The following PHACTR3 variants were observed in gnomAD, a reference collection of about 807,000 sequenced individuals.
PHACTR3 encodes the protein protein phosphatase 1, regulatory subunit 123.
PHACTR3 carries 16 observed loss-of-function variants against 66.8 expected under a neutral mutation model. The ratio of observed to expected loss-of-function variants is 0.24; its 90% CI spans 0.16 to 0.36. The LOEUF (loss-of-function observed/expected upper bound fraction) is 0.36, where lower values mean the gene tolerates loss of function less well. PHACTR3 is among the 10% of genes least tolerant of loss of function. The probability of loss-of-function intolerance (pLI) is 1.00; values close to 1 mark genes in which losing one functional copy is unlikely to be tolerated. For synonymous variants in PHACTR3, 323 were observed against 292.1 expected (o/e 1.11, Z -1.08); for missense variants, 647 against 719.9 (o/e 0.90, Z 1.16).
intron 7 of PHACTR3, among the ~76,000 whole-genome samples, chr20:59,789,933 G>T (rs1047368932): frequency 3.9e-5 from 6 of 152,234 alleles, no homozygotes; most frequent in African/African-American, 1.4e-4. Context: ...GCTGGGAAAT[G>T]GCTGCATTAG....
chr20:59,808,095 T>G (rs1001291815), intron 8 of PHACTR3, among the ~76,000 whole-genome samples: 3 of 152,142 alleles, frequency 2.0e-5, no homozygotes, highest in Non-Finnish European at 4.4e-5. Context: ...TGAGACAGAA[T>G]GGGGGCCTTC....
At chr20:59,740,106 A>G (rs1392421275) in intron 1 of PHACTR3, among the ~76,000 whole-genome samples, 1 of 152,184 alleles carries the variant, frequency 6.6e-6, no homozygotes. Context: ...CGTTTACTCC[A>G]TCATCATTAT....
chr20:59,602,055 G>T (rs1307250451), upstream of PHACTR3, among the ~76,000 whole-genome samples: 2 of 152,184 alleles, frequency 1.3e-5, no homozygotes, highest in Admixed American at 6.5e-5. Context: ...TAGATAGAAA[G>T]TTCCTTCCAT....
intron 1 of PHACTR3, among the ~76,000 whole-genome samples, chr20:59,740,853 G>T (rs148356977): frequency 1.3e-5 from 2 of 152,220 alleles, no homozygotes; most frequent in Admixed American, 6.5e-5. Context: ...TTGGGCCCTC[G>T]GGTGCTGCCT....
At chr20:59,624,090 G>A (rs1329195469) in intron 1 of PHACTR3, among the ~76,000 whole-genome samples, 1 of 152,166 alleles carries the variant, frequency 6.6e-6, no homozygotes, top group African/African-American at 2.4e-5. Context: ...ACATAAGAGT[G>A]GGAAATGGCT....
At chr20:59,697,052 A>T (rs964908324) in intron 1 of PHACTR3, among the ~76,000 whole-genome samples, 1 of 152,158 alleles carries the variant, frequency 6.6e-6, no homozygotes, top group Admixed American at 6.5e-5. Context: ...AGAATGAAAT[A>T]ATGATGTGAT....
intron 7 of PHACTR3, among the ~76,000 whole-genome samples, chr20:59,793,582 T>G (rs906253953): frequency 5.5e-4 from 84 of 152,376 alleles, no homozygotes; most frequent in African/African-American, 2.0e-3. Context: ...TCAGATAGTT[T>G]GCTATTGCTG....
intron 1 of PHACTR3, among the ~76,000 whole-genome samples, chr20:59,612,630 C>G (rs1446714240): frequency 6.6e-6 from 1 of 152,188 alleles, no homozygotes; most frequent in Non-Finnish European, 1.5e-5. Flanking sequence ...GTGATCCGCC[C>G]ACTTTGGCCT....
chr20:59,600,811 G>T (rs139076678), upstream of PHACTR3, among the ~76,000 whole-genome samples: 2 of 152,180 alleles, frequency 1.3e-5, no homozygotes, highest in Non-Finnish European at 2.9e-5. Context: ...CAGAAGGGGG[G>T]TCCTTCGATG....
chr20:59,723,239 A>G (rs550837445), intron 1 of PHACTR3, among the ~76,000 whole-genome samples: 1 of 152,030 alleles, frequency 6.6e-6, no homozygotes, highest in African/African-American at 2.4e-5. Context: ...ATTTTAAAAC[A>G]CTTTCATCAT....
chr20:59,793,114 C>T (rs2041153071), intron 7 of PHACTR3, among the ~76,000 whole-genome samples: 1 of 152,018 alleles, frequency 6.6e-6, no homozygotes, highest in African/African-American at 2.4e-5. Flanking sequence ...CTCTTGAACT[C>T]TTGAGCTCAA....
intron 1 of PHACTR3, among the ~76,000 whole-genome samples, chr20:59,599,169 T>C (rs912194930): frequency 1.3e-5 from 2 of 152,234 alleles, no homozygotes; most frequent in African/African-American, 2.4e-5. Context: ...AGGCTGAGCC[T>C]TCACTCCTGG....
At chr20:59,652,179 T>TA (rs1265095427) in intron 1 of PHACTR3, among the ~76,000 whole-genome samples, 1 of 152,220 alleles carries the variant, frequency 6.6e-6, no homozygotes, top group Non-Finnish European at 1.5e-5. Context: ...TTCAGGCCTC[T>TA]ATCAGGTCGG....
chr20:59,833,544 A>G (rs2042445815), intron 8 of PHACTR3, among the ~76,000 whole-genome samples: 1 of 152,168 alleles, frequency 6.6e-6, no homozygotes, highest in African/African-American at 2.4e-5. Flanking sequence ...ACAAGGTTCC[A>G]ACAAAGGGCG....
At chr20:59,635,165 CTTTCCTTTCTTT>C (rs1185311034) in intron 1 of PHACTR3, among the ~76,000 whole-genome samples, 3 of 40,004 alleles carry the variant, frequency 7.5e-5, no homozygotes, top group African/African-American at 2.1e-4. Context: ...TTCTTTCTTT[CTTTCCTTTCTTT>C]CTTTCTTTCT....
intron 1 of PHACTR3, among the ~76,000 whole-genome samples, chr20:59,741,325 C>G (rs1328120276): frequency 2.0e-5 from 3 of 152,240 alleles, no homozygotes; most frequent in Non-Finnish European, 4.4e-5. Flanking sequence ...GGCGAGGGGT[C>G]CTGGCAGAGG....
chr20:59,816,845 G>A (rs8116975), intron 8 of PHACTR3, among the ~76,000 whole-genome samples: 35 of 152,294 alleles, frequency 2.3e-4, no homozygotes, highest in African/African-American at 8.4e-4. Context: ...ATTATAAGAT[G>A]CATGAGTATA....
chr20:59,774,922 G>A (rs1403491653), intron 7 of PHACTR3, among the ~76,000 whole-genome samples: 1 of 152,088 alleles, frequency 6.6e-6, no homozygotes, highest in Non-Finnish European at 1.5e-5. Context: ...AGCAGGACGA[G>A]ATGGAAGCAG....
intron 4 of PHACTR3, among the ~76,000 whole-genome samples, chr20:59,760,252 C>T (rs1461170172): frequency 2.0e-5 from 3 of 152,114 alleles, no homozygotes; most frequent in Non-Finnish European, 2.9e-5. Context: ...TGATTTTGAC[C>T]ATTATTTTCC....
Sources: gnomAD v4.1 joint callset for allele counts (sites outside exome capture counted in the v4.1 genomes callset) on GRCh38, gnomAD v4.1.1 for gene constraint, MANE v1.5 for transcripts, NCBI Gene and HGNC (gene_info 2026-07-23, HGNC 2026-07-21) for gene names.